ACTR2: variants seen among roughly 807,000 people sequenced by gnomAD.
ACTR2 encodes the protein actin-related protein 2.
Under a neutral mutation model 50.2 loss-of-function variants are expected in ACTR2, and 5 were observed. The observed-to-expected ratio is 0.10, with a 90% CI of 0.05 to 0.21. The LOEUF (loss-of-function observed/expected upper bound fraction) is 0.21, where lower values mean the gene tolerates loss of function less well. Ranked by LOEUF, ACTR2 falls within the 10% of genes least tolerant of loss-of-function variation. The pLI is 1.00. For missense variants in ACTR2, 180 were observed against 480.6 expected (o/e 0.37, Z 5.85); for synonymous variants, 140 against 162.9 (o/e 0.86, Z 1.07).
Position 65,242,480 on chromosome 2 carries a change from A to G in ACTR2, c.159+2518A>G, listed in dbSNP as rs189662829. On this transcript the variant is annotated intron_variant, in intron 2 of 8. Coordinates refer to ENST00000260641, the MANE Select transcript of ACTR2 (RefSeq NM_005722.4). ...AGTATTAAATTGAACATTGACTGTC[A>G]TAGCCTGTATATATATTTGCATCTA... Among the ~76,000 whole-genome samples the G allele has an allele frequency of 6.0e-3, 908 of 152,204 alleles. 13 individuals carry two copies. The highest frequency in any genetic ancestry group is 0.023 in the South Asian group (113 of 4,812).
chr2:65,238,286 CAAT>C (rs1432607203), intron 1 of ACTR2, among the ~76,000 whole-genome samples: 2 of 152,130 alleles, frequency 1.3e-5, no homozygotes, highest in African/African-American at 4.8e-5. Flanking sequence ...AGTCTTATCA[CAAT>C]GATATGTTCT....
chr2:65,257,432 T>C (rs1032827047), intron 6 of ACTR2, among the ~76,000 whole-genome samples: 3 of 152,206 alleles, frequency 2.0e-5, no homozygotes, highest in Non-Finnish European at 2.9e-5. Flanking sequence ...GTCTTTATAG[T>C]AGCATGATTT....
At chr2:65,264,683 G>GATTC (rs1477654631) in intron 7 of ACTR2, among the ~76,000 whole-genome samples, 2 of 152,208 alleles carry the variant, frequency 1.3e-5, no homozygotes, top group Non-Finnish European at 2.9e-5. Context: ...CTGGATTAAA[G>GATTC]TAGAATAGGG....
chr2:65,246,269 T>C (rs1671937282), intron 2 of ACTR2: 1 of 271,152 alleles, frequency 3.7e-6, no homozygotes, highest in Non-Finnish European at 6.9e-6. Flanking sequence ...GGGGTTTATT[T>C]GTGCTAATGC....
At chr2:65,242,909 A>C (rs1238948772) in intron 2 of ACTR2, among the ~76,000 whole-genome samples, 1 of 152,228 alleles carries the variant, frequency 6.6e-6, no homozygotes, top group Non-Finnish European at 1.5e-5. Context: ...TTTTGAATAA[A>C]CAAAAACATT....
rs1008599923 is a variant in ACTR2, at chr2:65,253,956, A to G, written c.585+92A>G. On this transcript the variant is annotated intron_variant, in intron 5 of 8. Transcript: ENST00000260641. Reference sequence around the variant, plus strand: ...GAATCTATCGTTTTAGGATTCCAGCAAATCTGTACCACTAGAGAAATTATC... The same window carrying G: ...GAATCTATCGTTTTAGGATTCCAGCGAATCTGTACCACTAGAGAAATTATC... The G allele has an allele frequency of 6.5e-6, 7 of 1,084,700 alleles. No individual in the cohort carries two copies. The African/African-American group carries it at 1.1e-4, about 17-fold the overall frequency. 67.2% of individuals were successfully genotyped at this position (1,084,700 alleles called of 1,614,324 possible).
intron 8 of ACTR2, among the ~76,000 whole-genome samples, chr2:65,267,177 T>A (rs1284894988): frequency 3.3e-5 from 5 of 152,154 alleles, no homozygotes; most frequent in Non-Finnish European, 7.3e-5. Flanking sequence ...CTGGTTTGTT[T>A]GTTTTTTTTA....
chr2:65,233,903 A>G (rs1194399723), intron 1 of ACTR2, among the ~76,000 whole-genome samples: 1 of 147,212 alleles, frequency 6.8e-6, no homozygotes, highest in Non-Finnish European at 1.5e-5. Flanking sequence ...GAGCCCCCAC[A>G]CTCAGCCTTT....
intron 6 of ACTR2, among the ~76,000 whole-genome samples, chr2:65,260,312 G>A (rs145608624): frequency 1.5e-3 from 226 of 152,266 alleles, no homozygotes; most frequent in Middle Eastern, 0.01. Flanking sequence ...GTTCAAGACC[G>A]CCTGGTCAAC....
intron 6 of ACTR2, among the ~76,000 whole-genome samples, chr2:65,258,642 A>G (rs1672199233): frequency 6.6e-6 from 1 of 152,188 alleles, no homozygotes; most frequent in Non-Finnish European, 1.5e-5. Flanking sequence ...ACACACACAC[A>G]TATACACAAG....
At chr2:65,268,097 A>G (rs1484840096) in intron 8 of ACTR2, among the ~76,000 whole-genome samples, 1 of 151,806 alleles carries the variant, frequency 6.6e-6, no homozygotes, top group Non-Finnish European at 1.5e-5. Context: ...TTGGCCTCCC[A>G]AAGTGCTGGG....
intron 3 of ACTR2, among the ~76,000 whole-genome samples, chr2:65,247,315 G>A (rs1356435081): frequency 2.0e-5 from 3 of 152,070 alleles, no homozygotes; most frequent in African/African-American, 4.8e-5. Flanking sequence ...ATGGCCGGGC[G>A]CGGTGGCTCA....
At chr2:65,243,822 C>T (rs1671885397) in intron 2 of ACTR2, among the ~76,000 whole-genome samples, 1 of 152,142 alleles carries the variant, frequency 6.6e-6, no homozygotes, top group Non-Finnish European at 1.5e-5. Flanking sequence ...ATCTCAGTTA[C>T]TGTGATTTTT....
At chr2:65,255,512 T>TAGAACTC in intron 5 of ACTR2, 33 bp from the exon 6 acceptor site, 1 of 1,585,968 alleles carries the variant, frequency 6.3e-7, no homozygotes, top group South Asian at 1.1e-5. Flanking sequence ...CATTCAGATG[T>TAGAACTC]ATTATGAACT....
chr2:65,237,831 T>C (rs542701819), intron 1 of ACTR2, among the ~76,000 whole-genome samples: 3 of 152,072 alleles, frequency 2.0e-5, no homozygotes, highest in South Asian at 2.1e-4. Flanking sequence ...ATAAAAAGAA[T>C]TACCTGGGCG....
intron 5 of ACTR2, among the ~76,000 whole-genome samples, chr2:65,255,029 AAC>A (rs761494536): frequency 6.6e-6 from 1 of 152,188 alleles, no homozygotes; most frequent in East Asian, 1.9e-4. Context: ...TAAGAAATGT[AAC>A]AATGGAGATT....
rs181236085 is a variant in ACTR2, at chr2:65,261,009, C to T, written c.736-238C>T. Among the ~76,000 whole-genome samples the T allele has an allele frequency of 4.6e-5, 7 of 152,174 alleles. No homozygotes were observed. In the East Asian group the frequency reaches 7.7e-4, roughly 17 times the overall value. Reference sequence around the variant, plus strand: ...CCTCCCAAAGTGCTGGGATTACAGACGTGAGCCACCACGCCCAGCCTGGCA... The same window carrying T: ...CCTCCCAAAGTGCTGGGATTACAGATGTGAGCCACCACGCCCAGCCTGGCA... On this transcript the variant is annotated intron_variant, in intron 6 of 8. Coordinates refer to ENST00000260641, the MANE Select transcript of ACTR2 (RefSeq NM_005722.4).
At chr2:65,251,225 C>A in intron 4 of ACTR2, 126 bp downstream of exon 4, 1 of 466,226 alleles carries the variant, frequency 2.1e-6, no homozygotes, top group Non-Finnish European at 3.8e-6. Context: ...ATATACCACA[C>A]TTTGAAATAT....
At chr2:65,266,280 G>C (rs1388663032) in intron 8 of ACTR2, among the ~76,000 whole-genome samples, 1 of 152,198 alleles carries the variant, frequency 6.6e-6, no homozygotes, top group Non-Finnish European at 1.5e-5. Context: ...CATAAACTGT[G>C]ATCAGGAAAG....
Sources: allele counts gnomAD v4.1 joint callset (sites outside exome capture counted in the v4.1 genomes callset), GRCh38; gene constraint gnomAD v4.1.1; transcripts MANE v1.5; gene names NCBI Gene and HGNC (gene_info 2026-07-23, HGNC 2026-07-21).